RSF1: variants seen among roughly 807,000 people sequenced by gnomAD.
RSF1 encodes the protein remodeling and spacing factor 1, also known as HBV pX-associated protein 8.
A neutral mutation model predicts 145.2 loss-of-function variants in RSF1; 13 were observed. That is an observed-to-expected ratio of 0.09 (90% CI 0.06 to 0.14). The LOEUF is 0.14. Ranked by LOEUF, RSF1 falls within the 10% of genes least tolerant of loss-of-function variation. The pLI is 1.00. For missense variants in RSF1, 1,517 were observed against 1,718.2 expected, an observed-to-expected ratio of 0.88 and a Z score of 2.07; for synonymous variants, 577 against 592.6, an observed-to-expected ratio of 0.97 and a Z score of 0.38.
intron 5 of RSF1, among the ~76,000 whole-genome samples, chr11:77,715,341 T>C (rs982652369): frequency 2.6e-5 from 4 of 152,242 alleles, no homozygotes; most frequent in African/African-American, 4.8e-5. Flanking sequence ...GTATCTTTTC[T>C]TTTATTCCTA....
chr11:77,798,688 A>C (rs1216110269), intron 1 of RSF1, among the ~76,000 whole-genome samples: 1 of 148,512 alleles, frequency 6.7e-6, no homozygotes, highest in African/African-American at 2.5e-5. Context: ...TTTTGCAGGG[A>C]CATGGATGAA....
chr11:77,693,764 C>CATTT (rs149549639), intron 7 of RSF1, among the ~76,000 whole-genome samples, 153 bp from the exon 8 acceptor site: 60,795 of 146,230 alleles, frequency 0.42, 12,860 homozygotes, highest in East Asian at 0.49. Flanking sequence ...AGGGATCTGA[C>CATTT]ATTTATTTAT....
At chr11:77,792,809 T>G (rs184745765) in intron 1 of RSF1, among the ~76,000 whole-genome samples, 1 of 151,302 alleles carries the variant, frequency 6.6e-6, no homozygotes, top group Non-Finnish European at 1.5e-5. Context: ...GAAAAATCTT[T>G]CCCTGACAAG....
At position 77,750,014 on chromosome 11, in the gene RSF1, T is replaced by C. The variant is rs187123601; in HGVS notation, c.280-2886A>G. ...CGCCTGGCTTGGCATCCCCAAGTGC[T>C]GGGATTACAGGTGTGAGCCACATGC... On this transcript the variant is annotated intron_variant, in intron 2 of 15. Coordinates refer to ENST00000308488, the MANE Select transcript of RSF1 (RefSeq NM_016578.4). 3.9e-3 allele frequency among the ~76,000 whole-genome samples: 589 copies of C among 152,226 alleles called. 1 individual carries two copies. The highest frequency in any genetic ancestry group is 6.4e-3 in the Non-Finnish European group (432 of 68,022).
intron 11 of RSF1, among the ~76,000 whole-genome samples, chr11:77,679,068 C>T (rs1959789930): frequency 6.6e-6 from 1 of 152,164 alleles, no homozygotes; most frequent in Non-Finnish European, 1.5e-5. Context: ...GTTGTAACTA[C>T]TCAACTCTGC....
intron 5 of RSF1, among the ~76,000 whole-genome samples, chr11:77,708,793 C>T (rs761351961): frequency 1.3e-5 from 2 of 152,170 alleles, no homozygotes; most frequent in African/African-American, 2.4e-5. Context: ...TTTTTCCTCC[C>T]CTGTTACAAA....
chr11:77,833,263 A>G, the RSF1 span, among the ~76,000 whole-genome samples: 6 of 151,946 alleles, frequency 3.9e-5, no homozygotes, highest in African/African-American at 7.3e-5. Flanking sequence ...TATATAATGA[A>G]ATAATTATAC....
intron 4 of RSF1, among the ~76,000 whole-genome samples, chr11:77,731,328 A>C (rs1961202639): frequency 6.6e-6 from 1 of 152,234 alleles, no homozygotes. Flanking sequence ...TCTAAGCAGC[A>C]AAGCATTCAA....
At chr11:77,848,850 A>G in the RSF1 span, among the ~76,000 whole-genome samples, 2 of 152,168 alleles carry the variant, frequency 1.3e-5, no homozygotes, top group Admixed American at 6.5e-5. Flanking sequence ...CAGGGTTGTA[A>G]TCATAGCTCA....
chr11:77,863,930 T>A, the RSF1 span, among the ~76,000 whole-genome samples: 1 of 151,712 alleles, frequency 6.6e-6, no homozygotes, highest in East Asian at 1.9e-4. Context: ...TTCAAGATGA[T>A]CCCTTTTTTT....
At chr11:77,850,167 A>C in the RSF1 span, among the ~76,000 whole-genome samples, 1 of 152,212 alleles carries the variant, frequency 6.6e-6, no homozygotes, top group Non-Finnish European at 1.5e-5. Flanking sequence ...CTTTTTCATT[A>C]GTTTAAAAAA....
At chr11:77,752,866 G>T (rs1948078288) in intron 2 of RSF1, among the ~76,000 whole-genome samples, 1 of 152,240 alleles carries the variant, frequency 6.6e-6, no homozygotes, top group South Asian at 2.1e-4. Context: ...GATAAAACAG[G>T]TTGCAGTAAA....
rs1212376278 is a variant in RSF1, at chr11:77,660,266, T to C, written c.*6651A>G. On this transcript the variant is annotated 3_prime_UTR_variant, in exon 16 of 16. Coordinates refer to ENST00000308488, the MANE Select transcript of RSF1 (RefSeq NM_016578.4). ...AAGGAATATTGTATTTAAACAACTA[T>C]GCACTGCAATTCTAACACACTAGGT... 2 of 152,230 alleles carry C rather than the reference T, an allele frequency of 1.3e-5. No individual in the cohort carries two copies. Among genetic ancestry groups the C allele is most frequent in the Non-Finnish European group, 2.9e-5 (2 of 68,022 alleles). The allele number at this position is 152,230 out of a possible 1,614,324, so 9.4% of individuals were successfully genotyped here.
At chr11:77,675,337 G>T in intron 13 of RSF1, 81 bp from the exon 14 acceptor site, 1 of 1,029,472 alleles carries the variant, frequency 9.7e-7, no homozygotes, top group Non-Finnish European at 1.4e-6. Flanking sequence ...TCAAATTCTG[G>T]TGAGCCCAGT....
At chr11:77,669,236 C>T (rs1959455970) in intron 15 of RSF1, among the ~76,000 whole-genome samples, 1 of 152,162 alleles carries the variant, frequency 6.6e-6, no homozygotes, top group Non-Finnish European at 1.5e-5. Flanking sequence ...CAGTTCCACC[C>T]TCCATCATCT....
At chr11:77,778,896 C>A (rs960789758) in intron 1 of RSF1, among the ~76,000 whole-genome samples, 1 of 152,154 alleles carries the variant, frequency 6.6e-6, no homozygotes, top group African/African-American at 2.4e-5. Flanking sequence ...ATTTTCATTT[C>A]TTTAGTCCCT....
At chr11:77,803,980 A>C (rs1393654742) in intron 1 of RSF1, among the ~76,000 whole-genome samples, 2 of 152,154 alleles carry the variant, frequency 1.3e-5, no homozygotes, top group African/African-American at 2.4e-5. Context: ...ACTTGGCAGG[A>C]GGATCGCTTG....
intron 1 of RSF1, among the ~76,000 whole-genome samples, chr11:77,776,551 T>G (rs563690293): frequency 2.0e-5 from 3 of 152,228 alleles, no homozygotes; most frequent in African/African-American, 7.2e-5. Context: ...CATTATAGTT[T>G]CTAGTTATTT....
chr11:77,855,771 G>A, the RSF1 span, among the ~76,000 whole-genome samples: 1 of 138,842 alleles, frequency 7.2e-6, no homozygotes, highest in East Asian at 2.2e-4. Context: ...GCTAGAGGCA[G>A]CCAGACCATG....
Sources: allele counts gnomAD v4.1 joint callset (sites outside exome capture counted in the v4.1 genomes callset), GRCh38; gene constraint gnomAD v4.1.1; transcripts MANE v1.5; gene names NCBI Gene and HGNC (gene_info 2026-07-23, HGNC 2026-07-21).